The following DENND4A variants were observed in gnomAD, a reference collection of about 807,000 sequenced individuals.
The protein encoded by DENND4A is C-myc promoter-binding protein.
Under a neutral mutation model 199.3 loss-of-function variants are expected in DENND4A, and 70 were observed. The observed-to-expected ratio is 0.35, with a 90% CI of 0.29 to 0.43. The LOEUF (loss-of-function observed/expected upper bound fraction) is 0.43, where lower values mean the gene tolerates loss of function less well. DENND4A is among the 20% of genes least tolerant of loss of function. DENND4A has a pLI of 1.00. For synonymous variants in DENND4A, 686 were observed against 766.9 expected (o/e 0.89, Z 1.74); for missense variants, 1,723 against 2,255.8 (o/e 0.76, Z 4.78).
At chr15:65,739,297 A>G (rs376549973) in intron 5 of DENND4A, among the ~76,000 whole-genome samples, 32 of 152,336 alleles carry the variant, frequency 2.1e-4, no homozygotes, top group African/African-American at 7.7e-4. Flanking sequence ...CCATAGGAGT[A>G]TATGTTAATT....
rs764493217 is a variant in DENND4A, at chr15:65,741,750, G to A, written c.596C>T (p.Ser199Leu). 5.0e-6 allele frequency: 8 copies of A among 1,612,662 alleles called. No individual in the cohort carries two copies. The highest frequency in any genetic ancestry group is 1.1e-5 in the South Asian group (1 of 91,048). The change falls in exon 5 of 33, where the codon TCG (serine) becomes TTG (leucine). Residue 199 changes from serine (S) to leucine (L), a missense_variant. This residue lies in a region of DENND4A where 725 missense variants were observed against 952.9 expected (regional missense o/e 0.76). Coordinates refer to ENST00000443035, the MANE Select transcript of DENND4A (RefSeq NM_001320835.1). The stretch of plus-strand genomic sequence containing the variant: ...AGATACAGTGTTCGTCTTTGCCACC[G>A]ATTTTTTATAACACAAGTATACTGC... ...GSAVYLCYKK[S>L]VAKTNTVSYK...
At chr15:65,666,421 G>A (rs963510598) in intron 29 of DENND4A, among the ~76,000 whole-genome samples, 28 of 152,184 alleles carry the variant, frequency 1.8e-4, no homozygotes, top group Admixed American at 3.3e-4. Context: ...ACCGAACAAA[G>A]GGATGATTCA....
chr15:65,779,946 C>T (rs1567106295), intron 1 of DENND4A, among the ~76,000 whole-genome samples: 1 of 151,832 alleles, frequency 6.6e-6, no homozygotes, highest in Non-Finnish European at 1.5e-5. Flanking sequence ...AGCTATGTTG[C>T]CCAGGCCAGT....
At chr15:65,704,231 TATGAGGCAGACTCTGTG>T (rs1434200808) in intron 15 of DENND4A, among the ~76,000 whole-genome samples, 1 of 152,210 alleles carries the variant, frequency 6.6e-6, no homozygotes. Flanking sequence ...AGTAATCTCT[TATGAGGCAGACTCTGTG>T]CTCATTAAGG....
chr15:65,670,158 T>C lies in DENND4A; in HGVS notation c.4495A>G (p.Thr1499Ala), dbSNP rs746366934. ...TCATCATGGACAAGACAATCACAAG[T>C]TCTACACCGAGAGCAACTTGAGATG... ...VLISSCSRCRTCDCLVHDEEI... is the reference protein window; with the variant it reads ...VLISSCSRCRACDCLVHDEEI... Residue 1499 changes from threonine to alanine, a missense_variant, in exon 26 of 33, where the codon ACT becomes GCT. Transcript: ENST00000443035. The C allele has an allele frequency of 1.9e-6, 3 of 1,548,876 alleles. No individual in the cohort carries two copies. Among genetic ancestry groups the C allele is most frequent in the Middle Eastern group, 1.7e-4 (1 of 5,824 alleles).
At chr15:65,722,106 T>C (rs1178129451) in intron 12 of DENND4A, among the ~76,000 whole-genome samples, 1 of 152,192 alleles carries the variant, frequency 6.6e-6, no homozygotes, top group Non-Finnish European at 1.5e-5. Flanking sequence ...GAAAAGCTCT[T>C]ACCCCACTGA....
At chr15:65,791,040 C>T (rs760101415) in intron 1 of DENND4A, among the ~76,000 whole-genome samples, 13 of 152,138 alleles carry the variant, frequency 8.5e-5, no homozygotes, top group Non-Finnish European at 1.9e-4. Context: ...CTTTTACATT[C>T]GGGCTATTCT....
At chr15:65,727,407 C>G (rs982620875) in intron 11 of DENND4A, among the ~76,000 whole-genome samples, 4 of 143,662 alleles carry the variant, frequency 2.8e-5, no homozygotes, top group African/African-American at 1.0e-4. Context: ...GAGCTGAGAT[C>G]GCATCACTGC....
At chr15:65,737,545 C>T (rs141526423) in intron 7 of DENND4A, among the ~76,000 whole-genome samples, 162 bp downstream of exon 7, 47 of 151,912 alleles carry the variant, frequency 3.1e-4, no homozygotes, top group African/African-American at 1.1e-3. Flanking sequence ...AACAAGACTA[C>T]AAACATACAA....
At chr15:65,674,733 T>TA (rs139568543) in intron 24 of DENND4A, among the ~76,000 whole-genome samples, 228 of 133,536 alleles carry the variant, frequency 1.7e-3, no homozygotes, top group East Asian at 5.1e-3. Flanking sequence ...GACCCTATCT[T>TA]AAAAAAAAAA....
intron 11 of DENND4A, among the ~76,000 whole-genome samples, chr15:65,725,161 AGTAAAT>A (rs1336970690): frequency 2.6e-5 from 4 of 152,302 alleles, no homozygotes; most frequent in Admixed American, 2.6e-4. Context: ...TCATCTTATG[AGTAAAT>A]GTATATTTAC....
chr15:65,669,470 G>GA (rs2076151181), intron 27 of DENND4A, among the ~76,000 whole-genome samples: 1 of 151,940 alleles, frequency 6.6e-6, no homozygotes, highest in African/African-American at 2.4e-5. Flanking sequence ...ATAGAGACAA[G>GA]AAAAAAGATA....
chr15:65,762,018 G>GT (rs1349646490), intron 1 of DENND4A, among the ~76,000 whole-genome samples: 1 of 152,054 alleles, frequency 6.6e-6, no homozygotes, highest in Non-Finnish European at 1.5e-5. Flanking sequence ...TATTGTTGTT[G>GT]TTTTTGAGAC....
chr15:65,693,054 C>T (rs1044129741), intron 22 of DENND4A, among the ~76,000 whole-genome samples: 2 of 152,076 alleles, frequency 1.3e-5, no homozygotes, highest in Non-Finnish European at 2.9e-5. Context: ...GCCTGAAATA[C>T]TTACTATTCG....
At chr15:65,774,185 GTC>G (rs1477069355) in intron 1 of DENND4A, among the ~76,000 whole-genome samples, 1 of 151,808 alleles carries the variant, frequency 6.6e-6, no homozygotes, top group Non-Finnish European at 1.5e-5. Context: ...GTGAAACCCT[GTC>G]TCTACTAAAA....
intron 23 of DENND4A, 72 bp downstream of exon 23, chr15:65,690,343 G>C: frequency 2.1e-6 from 3 of 1,414,586 alleles, no homozygotes; most frequent in Non-Finnish European, 2.8e-6. Flanking sequence ...TAGTTAAAAC[G>C]AGTAAGGGGC....
chr15:65,725,439 G>C (rs1444059682), intron 11 of DENND4A, among the ~76,000 whole-genome samples: 4 of 152,166 alleles, frequency 2.6e-5, no homozygotes, highest in Non-Finnish European at 5.9e-5. Flanking sequence ...CACTTTGGGA[G>C]GCCGAGGCGG....
At chr15:65,703,706 C>T (rs569038651) in intron 15 of DENND4A, among the ~76,000 whole-genome samples, 2 of 152,300 alleles carry the variant, frequency 1.3e-5, no homozygotes, top group African/African-American at 4.8e-5. Context: ...TTAGTGCATG[C>T]CTATAATCCC....
Position 65,702,451 on chromosome 15 carries a change from T to C in DENND4A, c.2284A>G (p.Arg762Gly). The part of the protein sequence containing the change: ...RYSSIPQMWS[R>G]CLLRHCYGLW... Reference sequence around the variant, plus strand: ...CCATAACAGTGGCGCAGTAGACACCTAGACCACATCTGAGGGATGGAAGAG... The same window carrying C: ...CCATAACAGTGGCGCAGTAGACACCCAGACCACATCTGAGGGATGGAAGAG... The change falls in exon 17 of 33, where the codon AGG becomes GGG. Residue 762 changes from arginine (R) to glycine (G), a missense_variant. Arg to Gly is a moderately radical substitution (Grantham distance 125, BLOSUM62 -2). Coordinates refer to ENST00000443035, the MANE Select transcript of DENND4A (RefSeq NM_001320835.1). The C allele has an allele frequency of 6.3e-7, 1 of 1,597,850 alleles. No individual in the cohort carries two copies. The highest frequency in any genetic ancestry group is 8.5e-7 in the Non-Finnish European group (1 of 1,171,950).
Sources: gnomAD v4.1 joint callset for allele counts (sites outside exome capture counted in the v4.1 genomes callset) on GRCh38, gnomAD v4.1.1 for gene constraint, gnomAD v4.1.1 regional missense constraint, MANE v1.5 for transcripts, NCBI Gene and HGNC (gene_info 2026-07-23, HGNC 2026-07-21) for gene names.